ANGPT2: variants seen among roughly 807,000 people sequenced by gnomAD.
ANGPT2 encodes the protein angiopoietin 2.
Under a neutral mutation model 62.9 loss-of-function variants are expected in ANGPT2, and 28 were observed. That is an observed-to-expected ratio of 0.44 (90% CI 0.33 to 0.61). The LOEUF is 0.61. Ranked by LOEUF, ANGPT2 falls within the 20% of genes least tolerant of loss-of-function variation. The pLI, the probability that ANGPT2 is intolerant of heterozygous loss-of-function variation, is 0.03. For synonymous variants in ANGPT2, 284 were observed against 207.8 expected, an observed-to-expected ratio of 1.37 and a Z score of -3.15; for missense variants, 727 against 594.9, an observed-to-expected ratio of 1.22 and a Z score of -2.31.
chr8:6,547,212 C>T (rs1000439255), intron 1 of ANGPT2, among the ~76,000 whole-genome samples: 1 of 151,954 alleles, frequency 6.6e-6, no homozygotes, highest in Non-Finnish European at 1.5e-5. Flanking sequence ...TTAGATTATA[C>T]AGAAAAGTCA....
At position 6,563,181 on chromosome 8, in the gene ANGPT2, T is replaced by C. The variant is rs1825817095; in HGVS notation, c.-247A>G. 4 of 361,780 alleles carry C rather than the reference T, an allele frequency of 1.1e-5. No individual in the cohort carries two copies. The East Asian group carries it at 1.8e-4, about 16-fold the overall frequency. 22.4% of individuals were successfully genotyped at this position (361,780 alleles called of 1,614,324 possible). ...GTCCTGCTCACTTGGGAGGGCTGTG[T>C]CAGCTTTTACAGAGCAGCTTTCACG... On this transcript the variant is annotated 5_prime_UTR_variant, in exon 1 of 9. Transcript: ENST00000629816.
chr8:6,529,623 ATTTTTTTTTT>A (rs35322987), intron 2 of ANGPT2, among the ~76,000 whole-genome samples: 1 of 120,962 alleles, frequency 8.3e-6, no homozygotes, highest in African/African-American at 3.1e-5. Flanking sequence ...CGCCTGGCTA[ATTTTTTTTTT>A]TTTTTTTTTT....
At chr8:6,521,637 C>G (rs753093644) in intron 3 of ANGPT2, among the ~76,000 whole-genome samples, 4 of 152,112 alleles carry the variant, frequency 2.6e-5, no homozygotes, top group Admixed American at 2.6e-4. Flanking sequence ...TACATGCAGA[C>G]TTATGCATAC....
chr8:6,539,173 C>A (rs1012373656), intron 1 of ANGPT2, among the ~76,000 whole-genome samples: 8 of 152,180 alleles, frequency 5.3e-5, no homozygotes, highest in Non-Finnish European at 1.2e-4. Flanking sequence ...TCCTCCTAAA[C>A]CCCTCGCCAG....
At chr8:6,504,180 T>C (rs1177228112) in intron 8 of ANGPT2, among the ~76,000 whole-genome samples, 14 of 151,260 alleles carry the variant, frequency 9.3e-5, no homozygotes, top group South Asian at 2.1e-4. Context: ...TAGCCGGGCG[T>C]GGTGGCGGAC....
chr8:6,533,719 G>C (rs1309837274), intron 1 of ANGPT2, among the ~76,000 whole-genome samples: 1 of 151,888 alleles, frequency 6.6e-6, no homozygotes, highest in Admixed American at 6.6e-5. Context: ...TTGAATAATT[G>C]AAAGATGATT....
chr8:6,517,254 G>A (rs758066684), intron 5 of ANGPT2, among the ~76,000 whole-genome samples: 11 of 152,280 alleles, frequency 7.2e-5, no homozygotes, highest in East Asian at 1.9e-4. Flanking sequence ...CTGGTGCATG[G>A]TGCAGGAACC....
At chr8:6,544,879 C>G (rs577799341) in intron 1 of ANGPT2, among the ~76,000 whole-genome samples, 1 of 152,216 alleles carries the variant, frequency 6.6e-6, no homozygotes, top group East Asian at 1.9e-4. Flanking sequence ...TCAGATTGAA[C>G]CTGCTAACAT....
chr8:6,536,381 C>T (rs1388396775), intron 1 of ANGPT2, among the ~76,000 whole-genome samples: 2 of 145,252 alleles, frequency 1.4e-5, no homozygotes, highest in Admixed American at 7.0e-5. Context: ...ACCCAGAGGC[C>T]GCTTCATACT....
At chr8:6,526,832 G>A (rs1818433991) in intron 3 of ANGPT2, among the ~76,000 whole-genome samples, 1 of 152,086 alleles carries the variant, frequency 6.6e-6, no homozygotes, top group Admixed American at 6.5e-5. Context: ...ATCCTCTTTT[G>A]TCCCAAGTGG....
intron 2 of ANGPT2, 116 bp from the exon 3 acceptor site, chr8:6,527,792 T>A: frequency 2.1e-6 from 2 of 968,502 alleles, no homozygotes; most frequent in Non-Finnish European, 3.0e-6. Flanking sequence ...CATTATTTAT[T>A]AACCCAAGTA....
chr8:6,505,976 T>TTATATA (rs66835122), intron 8 of ANGPT2, among the ~76,000 whole-genome samples: 29 of 588 alleles, frequency 0.049, 9 homozygotes, highest in East Asian at 0.1. Context: ...TACATATTCT[T>TTATATA]TGTATATATA....
At chr8:6,540,076 G>C (rs914983377) in intron 1 of ANGPT2, among the ~76,000 whole-genome samples, 12 of 152,206 alleles carry the variant, frequency 7.9e-5, no homozygotes, top group Non-Finnish European at 1.3e-4. Context: ...TCCTCCTGTG[G>C]ATAGGTACAC....
chr8:6,562,571 T>TTTTTTTTTTTTTTTTTTTTTTAAAAAG, intron 1 of ANGPT2, 76 bp downstream of exon 1: 1 of 417,078 alleles, frequency 2.4e-6, no homozygotes, highest in Admixed American at 3.8e-5. Flanking sequence ...TTTTTTTTTT[T>TTTTTTTTTTTTTTTTTTTTTTAAAAAG]GGTTGTTAAA....
intron 1 of ANGPT2, among the ~76,000 whole-genome samples, chr8:6,538,359 G>T (rs529165299): frequency 6.6e-6 from 1 of 152,134 alleles, no homozygotes; most frequent in Non-Finnish European, 1.5e-5. Context: ...TGCTGGCCAC[G>T]CATCCCCCAG....
chr8:6,500,117 A>G lies in ANGPT2; in HGVS notation c.*2984T>C. 1.6e-6 allele frequency: 1 copy of G among 606,312 alleles called. No individual in the cohort carries two copies. Among genetic ancestry groups the G allele is most frequent in the South Asian group, 1.9e-5 (1 of 52,814 alleles). 37.6% of individuals were successfully genotyped at this position (606,312 alleles called of 1,614,324 possible). A position where few individuals can be genotyped will look rare whatever the true frequency, so the allele number is the denominator to read the frequency against. On this transcript the variant is annotated 3_prime_UTR_variant, in exon 9 of 9. Transcript: ENST00000629816. ...AGAACAAATGTGAGAACGTGAGACC[A>G]TTGTGCAAAAAGTAGTGAGGAATGC...
At chr8:6,561,072 G>A (rs940677326) in intron 1 of ANGPT2, among the ~76,000 whole-genome samples, 8 of 152,208 alleles carry the variant, frequency 5.3e-5, no homozygotes, top group African/African-American at 1.9e-4. Context: ...GGAAGTTCAA[G>A]TTAAGCAGAT....
chr8:6,516,155 C>G (rs1311544604), intron 5 of ANGPT2, among the ~76,000 whole-genome samples: 1 of 152,138 alleles, frequency 6.6e-6, no homozygotes, highest in African/African-American at 2.4e-5. Context: ...AAATTATTTC[C>G]TCATTTTAAA....
chr8:6,510,348 A>G (rs773830273), intron 7 of ANGPT2, among the ~76,000 whole-genome samples: 1 of 152,144 alleles, frequency 6.6e-6, no homozygotes. Flanking sequence ...TACAAAGCAA[A>G]TCCTGCAATG....
Sources: gnomAD v4.1 joint callset for allele counts (sites outside exome capture counted in the v4.1 genomes callset) on GRCh38, gnomAD v4.1.1 for gene constraint, MANE v1.5 for transcripts, NCBI Gene and HGNC (gene_info 2026-07-23, HGNC 2026-07-21) for gene names.